Variants in CTNNA3 observed in about 807,000 individuals in gnomAD.
The protein encoded by CTNNA3 is catenin alpha-3.
CTNNA3 carries 76 observed loss-of-function variants against 95.7 expected under a neutral mutation model. The ratio of observed to expected loss-of-function variants is 0.79; its 90% CI spans 0.66 to 0.96. The LOEUF (loss-of-function observed/expected upper bound fraction) is 0.96. CTNNA3 is among the 40% of genes least tolerant of loss of function. The pLI is 0.00. For missense variants in CTNNA3, 1,191 were observed against 1,089.8 expected, an observed-to-expected ratio of 1.09 and a Z score of -1.31; for synonymous variants, 431 against 374.4, an observed-to-expected ratio of 1.15 and a Z score of -1.74.
intron 1 of CTNNA3, among the ~76,000 whole-genome samples, chr10:67,677,349 A>C (rs1389128783): frequency 3.3e-5 from 5 of 152,204 alleles, no homozygotes; most frequent in African/African-American, 1.2e-4. Flanking sequence ...TATTTGGGAC[A>C]TACTTACACA....
intron 3 of CTNNA3, among the ~76,000 whole-genome samples, chr10:67,559,005 C>A (rs954056782): frequency 6.6e-6 from 1 of 152,196 alleles, no homozygotes; most frequent in Non-Finnish European, 1.5e-5. Context: ...TGGGTGGAGC[C>A]CACCACAGCT....
At chr10:66,093,164 C>T (rs1208459128) in intron 14 of CTNNA3, among the ~76,000 whole-genome samples, 1 of 151,870 alleles carries the variant, frequency 6.6e-6, no homozygotes, top group Non-Finnish European at 1.5e-5. Flanking sequence ...CTATAATATA[C>T]AGTGTTTTAA....
intron 5 of CTNNA3, among the ~76,000 whole-genome samples, chr10:67,363,506 C>CA (rs1318773901): frequency 1.3e-5 from 2 of 151,688 alleles, no homozygotes; most frequent in Non-Finnish European, 1.5e-5. Context: ...AAAAACTCTT[C>CA]AAAAAATCAA....
At chr10:66,819,763 C>T (rs1405213286) in intron 7 of CTNNA3, among the ~76,000 whole-genome samples, 1 of 152,034 alleles carries the variant, frequency 6.6e-6, no homozygotes, top group African/African-American at 2.4e-5. Context: ...TAGAGAAACA[C>T]AAATGAAAAC....
At chr10:67,631,139 G>C (rs960877523) in intron 2 of CTNNA3, among the ~76,000 whole-genome samples, 1 of 152,188 alleles carries the variant, frequency 6.6e-6, no homozygotes, top group Non-Finnish European at 1.5e-5. Flanking sequence ...TCATAAAAAT[G>C]TAATTGCTGA....
intron 11 of CTNNA3, among the ~76,000 whole-genome samples, chr10:66,489,849 A>C (rs1171437594): frequency 1.3e-5 from 2 of 152,224 alleles, no homozygotes; most frequent in South Asian, 4.1e-4. Context: ...GTAGACTACC[A>C]TCACCTACTG....
At chr10:67,554,751 C>G (rs192486175) in intron 3 of CTNNA3, among the ~76,000 whole-genome samples, 3 of 152,078 alleles carry the variant, frequency 2.0e-5, no homozygotes, top group Non-Finnish European at 2.9e-5. Context: ...AGAAGCTCTT[C>G]AGTTTAATTA....
chr10:66,990,944 T>C (rs75780668), intron 7 of CTNNA3, among the ~76,000 whole-genome samples: 2,061 of 152,312 alleles, frequency 0.014, 47 homozygotes, highest in African/African-American at 0.046. Flanking sequence ...TCATTATTCC[T>C]ATGAACATTT....
chr10:66,308,865 A>G (rs540337833), intron 12 of CTNNA3, among the ~76,000 whole-genome samples: 46 of 152,284 alleles, frequency 3.0e-4, no homozygotes, highest in African/African-American at 9.6e-4. Flanking sequence ...GAAGTTCATC[A>G]GGACACCTTG....
upstream of CTNNA3, among the ~76,000 whole-genome samples, chr10:67,697,445 C>A (rs532134531): frequency 6.6e-6 from 1 of 152,232 alleles, no homozygotes; most frequent in Admixed American, 6.5e-5. Flanking sequence ...TTGAATTGAG[C>A]CCAAGATGAG....
intron 12 of CTNNA3, among the ~76,000 whole-genome samples, chr10:66,328,394 G>A (rs1171621664): frequency 2.6e-5 from 4 of 152,004 alleles, no homozygotes; most frequent in Non-Finnish European, 5.9e-5. Context: ...GCTAAGACAA[G>A]ACACCTGAGC....
intron 13 of CTNNA3, among the ~76,000 whole-genome samples, chr10:66,113,396 C>T (rs1049382073): frequency 2.0e-5 from 3 of 152,152 alleles, no homozygotes; most frequent in Non-Finnish European, 4.4e-5. Context: ...TGAGACAGAG[C>T]TGTGAGTTTA....
intron 16 of CTNNA3, among the ~76,000 whole-genome samples, chr10:65,986,135 T>C (rs995261229): frequency 1.8e-4 from 28 of 151,436 alleles, no homozygotes; most frequent in African/African-American, 5.8e-4. Context: ...TTTCTTTTTG[T>C]TTATTTTGTC....
chr10:66,409,414 AT>A (rs1317092651), intron 11 of CTNNA3, among the ~76,000 whole-genome samples: 1 of 151,540 alleles, frequency 6.6e-6, no homozygotes, highest in African/African-American at 2.4e-5. Context: ...AAAAAAAAAA[AT>A]GTCTTTTTAA....
At chr10:65,933,374 C>T (rs1273946180) in intron 17 of CTNNA3, among the ~76,000 whole-genome samples, 2 of 152,096 alleles carry the variant, frequency 1.3e-5, no homozygotes, top group African/African-American at 2.4e-5. Context: ...TAATTATGCC[C>T]TTTTACTCAC....
intron 7 of CTNNA3, among the ~76,000 whole-genome samples, chr10:66,898,135 A>G (rs1845575460): frequency 6.6e-6 from 1 of 152,220 alleles, no homozygotes; most frequent in South Asian, 2.1e-4. Context: ...AATACCAAAT[A>G]TCACAAAATC....
At chr10:66,995,628 T>A (rs553070261) in intron 7 of CTNNA3, among the ~76,000 whole-genome samples, 6 of 152,340 alleles carry the variant, frequency 3.9e-5, no homozygotes, top group African/African-American at 1.2e-4. Flanking sequence ...TATTTTTTTA[T>A]TAAGTTCAGG....
intron 7 of CTNNA3, among the ~76,000 whole-genome samples, chr10:67,168,023 G>T (rs1481821994): frequency 6.6e-6 from 1 of 152,156 alleles, no homozygotes; most frequent in Admixed American, 6.5e-5. Context: ...TGCAATCCCA[G>T]CTACTCAGGA....
intron 10 of CTNNA3, among the ~76,000 whole-genome samples, chr10:66,534,840 A>T (rs751155051): frequency 9.9e-5 from 15 of 151,800 alleles, no homozygotes; most frequent in Non-Finnish European, 2.1e-4. Flanking sequence ...TTCTAAAGTT[A>T]TGAAGTATTA....
Sources: gnomAD v4.1 joint callset for allele counts (sites outside exome capture counted in the v4.1 genomes callset) on GRCh38, gnomAD v4.1.1 for gene constraint, MANE v1.5 for transcripts, NCBI Gene and HGNC (gene_info 2026-07-23, HGNC 2026-07-21) for gene names.